The following RBM46 variants were observed in gnomAD, a reference collection of about 807,000 sequenced individuals.
The protein encoded by RBM46 is RNA binding motif protein 46, also known as probable RNA-binding protein 46.
In RBM46, 12 loss-of-function variants were observed where a neutral mutation model predicts 43.3. The observed-to-expected ratio is 0.28, with a 90% CI of 0.18 to 0.45. The LOEUF (loss-of-function observed/expected upper bound fraction) is 0.45, where lower values mean the gene tolerates loss of function less well. Among genes scored for constraint, RBM46 ranks in the 20% least tolerant of loss-of-function variants. RBM46 has a pLI of 1.00. For missense variants in RBM46, 412 were observed against 639.1 expected (o/e 0.64, Z 3.83); for synonymous variants, 205 against 207.6 (o/e 0.99, Z 0.11).
At chr4:154,803,263 A>C (rs927643213) in intron 4 of RBM46, among the ~76,000 whole-genome samples, 1 of 152,200 alleles carries the variant, frequency 6.6e-6, no homozygotes, top group Non-Finnish European at 1.5e-5. Flanking sequence ...TAATAAAAGA[A>C]AAGCTGGAAG....
intron 4 of RBM46, among the ~76,000 whole-genome samples, chr4:154,803,949 G>T (rs1734777583): frequency 6.6e-6 from 1 of 152,126 alleles, no homozygotes; most frequent in Non-Finnish European, 1.5e-5. Context: ...CCTTGGTGCT[G>T]TCTTCGCAAT....
At chr4:154,826,832 T>C in intron 4 of RBM46, 1 of 1,525,314 alleles carries the variant, frequency 6.6e-7, no homozygotes, top group South Asian at 1.2e-5. Context: ...GGCTAAACAT[T>C]AAGTCCCATG....
At chr4:154,802,278 C>T (rs1438655258) in intron 4 of RBM46, among the ~76,000 whole-genome samples, 1 of 152,062 alleles carries the variant, frequency 6.6e-6, no homozygotes, top group East Asian at 1.9e-4. Context: ...GCAGAAGAGC[C>T]AGAGATCAGG....
intron 1 of RBM46, among the ~76,000 whole-genome samples, chr4:154,785,126 T>C (rs928980175): frequency 2.6e-5 from 4 of 152,154 alleles, no homozygotes; most frequent in Admixed American, 1.3e-4. Context: ...TTGGTGACTC[T>C]TCAGTGTGTC....
At chr4:154,807,694 A>G (rs1356959895) in intron 4 of RBM46, among the ~76,000 whole-genome samples, 1 of 151,894 alleles carries the variant, frequency 6.6e-6, no homozygotes, top group Non-Finnish European at 1.5e-5. Context: ...ACCTCCAAGA[A>G]TGGTTCACTT....
In RBM46 at chr4:154,796,869, A is replaced by G; in HGVS notation, c.117A>G (p.Glu39=). ...MEKTGYNMVQ[E]NGQRKFGGPP... ...AGACTGGTTACAACATGGTTCAGGAAAATGGACAAAGGAAATTTGGCGGTC... is the reference window on the plus strand; with the variant it reads ...AGACTGGTTACAACATGGTTCAGGAGAATGGACAAAGGAAATTTGGCGGTC... The change falls in exon 2 of 5, where the codon GAA becomes GAG. Residue 39 remains glutamate (E), a synonymous_variant. Coordinates refer to ENST00000281722, the MANE Select transcript of RBM46 (RefSeq NM_144979.5). The G allele has an allele frequency of 6.2e-7, 1 of 1,613,770 alleles. No homozygotes were observed. The highest frequency in any genetic ancestry group is 8.5e-7 in the Non-Finnish European group (1 of 1,179,862).
In RBM46 at chr4:154,788,201, T is replaced by A. The variant is rs576547635; in HGVS notation, c.-12+6765T>A. Among the ~76,000 whole-genome samples the A allele has an allele frequency of 3.3e-5, 5 of 152,314 alleles. No individual in the cohort carries two copies. The East Asian group carries it at 9.6e-4, about 29-fold the overall frequency. On this transcript the variant is annotated intron_variant, in intron 1 of 4. Transcript: ENST00000281722. ...AGCTCTTTAGTTTAATTAGATCCCA[T>A]TTGTGAATTTTGGCTTTTGTTGCCA... is the stretch of plus-strand genomic sequence containing the variant.
Position 154,827,624 on chromosome 4 carries a change from A to C in RBM46, c.1403-244A>C, listed in dbSNP as rs529591360. ...CTCCAAGAAATAGTAGATATCCAAGAATTCATTCTGGTAAGATCTCTGAAA... is the reference window on the plus strand; with the variant it reads ...CTCCAAGAAATAGTAGATATCCAAGCATTCATTCTGGTAAGATCTCTGAAA... On this transcript the variant is annotated intron_variant, in intron 4 of 4. Coordinates refer to ENST00000281722, the MANE Select transcript of RBM46 (RefSeq NM_144979.5). The C allele has an allele frequency of 4.7e-6, 6 of 1,264,518 alleles. No individual in the cohort carries two copies. In the African/African-American group the frequency reaches 9.2e-5, roughly 19 times the overall value. 78.3% of individuals were successfully genotyped at this position (1,264,518 alleles called of 1,614,324 possible). A position where few individuals can be genotyped will look rare whatever the true frequency, so the allele number is the denominator to read the frequency against.
intron 4 of RBM46, among the ~76,000 whole-genome samples, chr4:154,802,692 T>C (rs1734697601): frequency 6.6e-6 from 1 of 152,200 alleles, no homozygotes; most frequent in African/African-American, 2.4e-5. Flanking sequence ...TATTAAGTCA[T>C]CTTTTGGCTC....
intron 4 of RBM46, among the ~76,000 whole-genome samples, chr4:154,807,339 T>G (rs528728296): frequency 6.6e-6 from 1 of 151,888 alleles, no homozygotes; most frequent in African/African-American, 2.4e-5. Context: ...TGTCTTACCT[T>G]TCTTTTTTTT....
chr4:154,828,230 T>G lies in RBM46; in HGVS notation c.*163T>G. The G allele has an allele frequency of 1.6e-6, 1 of 607,864 alleles. No homozygotes were observed. Among genetic ancestry groups the G allele is most frequent in the African/African-American group, 1.9e-5 (1 of 54,038 alleles). The allele number at this position is 607,864 out of a possible 1,614,324, so 37.7% of individuals were successfully genotyped here. ...AGCTATAATTCAGAATAACATGGAG[T>G]TGTAGAATTTATAAAAATGCAAAGT... On this transcript the variant is annotated 3_prime_UTR_variant, in exon 5 of 5. Coordinates refer to ENST00000281722, the MANE Select transcript of RBM46 (RefSeq NM_144979.5).
chr4:154,803,249 C>A (rs376823724), intron 4 of RBM46, among the ~76,000 whole-genome samples: 1 of 151,936 alleles, frequency 6.6e-6, no homozygotes, highest in East Asian at 1.9e-4. Context: ...AAGCAAAATA[C>A]CCTTAATAAA....
intron 4 of RBM46, chr4:154,827,613 A>G: frequency 8.1e-7 from 1 of 1,232,562 alleles, no homozygotes; most frequent in Non-Finnish European, 1.0e-6. Context: ...AAGAAATAGT[A>G]GATATCCAAG....
chr4:154,786,404 A>T (rs1055579741), intron 1 of RBM46, among the ~76,000 whole-genome samples: 2 of 152,046 alleles, frequency 1.3e-5, no homozygotes, highest in East Asian at 3.9e-4. Flanking sequence ...TTATCTTATT[A>T]GTGGTTCTGA....
At chr4:154,783,100 TTTG>T (rs1406065409) in intron 1 of RBM46, among the ~76,000 whole-genome samples, 1 of 152,196 alleles carries the variant, frequency 6.6e-6, no homozygotes, top group Non-Finnish European at 1.5e-5. Flanking sequence ...TCTGTCTGCA[TTTG>T]TTTGCATTGT....
chr4:154,810,660 A>G (rs574947296), intron 4 of RBM46, among the ~76,000 whole-genome samples: 1 of 152,282 alleles, frequency 6.6e-6, no homozygotes, highest in African/African-American at 2.4e-5. Context: ...TTCTCTCAGT[A>G]CAAAACAACA....
At chr4:154,812,776 CCGTA>C (rs1216322342) in intron 4 of RBM46, among the ~76,000 whole-genome samples, 1 of 152,154 alleles carries the variant, frequency 6.6e-6, no homozygotes, top group Non-Finnish European at 1.5e-5. Flanking sequence ...CTTAACCTAA[CCGTA>C]GCCATACATT....
intron 1 of RBM46, among the ~76,000 whole-genome samples, chr4:154,794,620 C>A (rs564754278): frequency 6.6e-6 from 1 of 152,164 alleles, no homozygotes; most frequent in Non-Finnish European, 1.5e-5. Context: ...TAAGAAGTTA[C>A]CTAACTTACA....
chr4:154,792,077 A>T (rs1254307705), intron 1 of RBM46, among the ~76,000 whole-genome samples: 1 of 152,200 alleles, frequency 6.6e-6, no homozygotes, highest in African/African-American at 2.4e-5. Flanking sequence ...TGAATTTTAA[A>T]TATCTAAAAT....
Sources: allele counts gnomAD v4.1 joint callset (sites outside exome capture counted in the v4.1 genomes callset), GRCh38; gene constraint gnomAD v4.1.1; transcripts MANE v1.5; gene names NCBI Gene and HGNC (gene_info 2026-07-23, HGNC 2026-07-21).